Variants in CFAP97 observed in about 807,000 individuals in gnomAD.
CFAP97 encodes cilia and flagella associated protein 97, also known as cilia- and flagella-associated protein 97.
In CFAP97, 36 loss-of-function variants were observed where a neutral mutation model predicts 43.1. The observed-to-expected ratio is 0.84, with a 90% CI of 0.64 to 1.10. The LOEUF (loss-of-function observed/expected upper bound fraction) is 1.10. Among genes scored for constraint, CFAP97 ranks in the 50% least tolerant of loss-of-function variants. The pLI is 0.00. For synonymous variants in CFAP97, 228 were observed against 225.7 expected (o/e 1.01, Z -0.09); for missense variants, 657 against 620.3 (o/e 1.06, Z -0.63).
At chr4:185,203,776 T>G (rs1737044383) in intron 1 of CFAP97, 122 bp downstream of exon 1, 1 of 149,286 alleles carries the variant, frequency 6.7e-6, no homozygotes, top group Non-Finnish European at 1.5e-5. Context: ...CAGGCTTCGT[T>G]AAACCCACCC....
chr4:185,170,810 C>G (rs1735270399), intron 3 of CFAP97, among the ~76,000 whole-genome samples: 1 of 149,966 alleles, frequency 6.7e-6, no homozygotes, highest in Non-Finnish European at 1.5e-5. Flanking sequence ...CATGGTGAAA[C>G]CCTGTCTCTA....
At chr4:185,180,892 G>C (rs1216320546) in intron 2 of CFAP97, among the ~76,000 whole-genome samples, 2 of 152,080 alleles carry the variant, frequency 1.3e-5, no homozygotes, top group East Asian at 3.9e-4. Context: ...TAAAGACTGA[G>C]GACCCCAAAG....
chr4:185,196,953 G>C (rs1468266021), intron 1 of CFAP97, among the ~76,000 whole-genome samples: 1 of 151,958 alleles, frequency 6.6e-6, no homozygotes, highest in Non-Finnish European at 1.5e-5. Context: ...ACAAAGATTA[G>C]CTGGGTGTGG....
chr4:185,167,928 G>T (rs1369710707), intron 3 of CFAP97, among the ~76,000 whole-genome samples: 1 of 151,122 alleles, frequency 6.6e-6, no homozygotes, highest in African/African-American at 2.4e-5. Context: ...GAACCTGGAA[G>T]GCGGAGGTTG....
chr4:185,177,686 T>G (rs953284577), intron 2 of CFAP97, among the ~76,000 whole-genome samples: 3 of 151,480 alleles, frequency 2.0e-5, no homozygotes, highest in African/African-American at 7.3e-5. Flanking sequence ...AATACAAAAA[T>G]TAGCTGGGCG....
chr4:185,185,794 C>G (rs574593255), intron 2 of CFAP97, among the ~76,000 whole-genome samples: 11 of 152,080 alleles, frequency 7.2e-5, no homozygotes, highest in African/African-American at 1.9e-4. Context: ...CACACACCAC[C>G]ATGCCTAGCT....
chr4:185,191,240 A>C, intron 1 of CFAP97, 28 bp from the exon 2 acceptor site: 1 of 1,402,560 alleles, frequency 7.1e-7, no homozygotes, highest in Non-Finnish European at 9.4e-7. Context: ...ACATCAGACT[A>C]AAGAGTGATT....
At position 185,161,038 on chromosome 4, in the gene CFAP97, T is replaced by C. The variant is rs1220470961; in HGVS notation, c.*1760A>G. On this transcript the variant is annotated 3_prime_UTR_variant, in exon 5 of 5. Coordinates refer to ENST00000458385, the MANE Select transcript of CFAP97 (RefSeq NM_020827.3). ...AAATGCTAAATTTAAAATTCAGCAT[T>C]ATCTTCTCTCTCTTGAAATATAGGT... 1 of 151,854 alleles carries C rather than the reference T, an allele frequency of 6.6e-6. No homozygotes were observed. The highest frequency in any genetic ancestry group is 1.5e-5 in the Non-Finnish European group (1 of 67,946). 9.4% of individuals were successfully genotyped at this position (151,854 alleles called of 1,614,324 possible). A position where few individuals can be genotyped will look rare whatever the true frequency, so the allele number is the denominator to read the frequency against.
chr4:185,209,967 G>A (rs1737474969), upstream of CFAP97: 2 of 983,452 alleles, frequency 2.0e-6, no homozygotes, highest in South Asian at 4.6e-5. The surrounding 1 kb of genome is among the most constrained non-coding windows in gnomAD (Gnocchi z 5.2). Flanking sequence ...CAGCAGCGGC[G>A]GCGCCGGGGG....
At position 185,162,659 on chromosome 4, in the gene CFAP97, T is replaced by A. The variant is rs6813224; in HGVS notation, c.*139A>T. ...TTTTTGACAATAATTTTGCACTGAA[T>A]AACAATACATTACAACTCACTGTTG... On this transcript the variant is annotated 3_prime_UTR_variant, in exon 5 of 5. Coordinates refer to ENST00000458385, the MANE Select transcript of CFAP97 (RefSeq NM_020827.3). 6.5e-3 allele frequency: 5,860 copies of A among 899,724 alleles called. 36 individuals are homozygous for A. Among genetic ancestry groups the A allele is most frequent in the Non-Finnish European group, 7.5e-3 (4,504 of 600,238 alleles). The allele number at this position is 899,724 out of a possible 1,614,324, so 55.7% of individuals were successfully genotyped here. A position where few individuals can be genotyped will look rare whatever the true frequency, so the allele number is the denominator to read the frequency against.
In CFAP97 at chr4:185,190,940, G is replaced by A; in HGVS notation, c.257C>T (p.Thr86Ile). 5 of 1,613,818 alleles carry A rather than the reference G, an allele frequency of 3.1e-6. No individual in the cohort carries two copies. Among genetic ancestry groups the A allele is most frequent in the Non-Finnish European group, 4.2e-6 (5 of 1,179,800 alleles). Residue 86 changes from threonine (T) to isoleucine (I), a missense_variant, in exon 2 of 5, where the codon ACA becomes ATA. Coordinates refer to ENST00000458385, the MANE Select transcript of CFAP97 (RefSeq NM_020827.3). Reference protein sequence around the residue: ...PPEHPVENDVTQTVSSFSLPA... With the variant: ...PPEHPVENDVIQTVSSFSLPA... ...CAATGAGAAAGAACTTACAGTTTGT[G>A]TAACATCATTCTCTACGGGGTGTTC...
At chr4:185,171,806 G>A (rs1056536170) in intron 3 of CFAP97, among the ~76,000 whole-genome samples, 1 of 152,120 alleles carries the variant, frequency 6.6e-6, no homozygotes, top group Admixed American at 6.5e-5. Context: ...GAGTGATCAC[G>A]GCTCTCTGCA....
intron 1 of CFAP97, among the ~76,000 whole-genome samples, chr4:185,197,715 C>G (rs547993095): frequency 6.6e-6 from 1 of 152,028 alleles, no homozygotes; most frequent in Non-Finnish European, 1.5e-5. Flanking sequence ...TGTGAGCCAC[C>G]GCGAAAAGTT....
intron 1 of CFAP97, among the ~76,000 whole-genome samples, chr4:185,197,206 A>G (rs1736594750): frequency 6.6e-6 from 1 of 151,930 alleles, no homozygotes; most frequent in African/African-American, 2.4e-5. Flanking sequence ...TTATTTAGCT[A>G]TAAGAGATGG....
At chr4:185,173,170 T>G (rs947508954) in intron 3 of CFAP97, among the ~76,000 whole-genome samples, 1 of 152,066 alleles carries the variant, frequency 6.6e-6, no homozygotes, top group African/African-American at 2.4e-5. Flanking sequence ...GAGACCATCC[T>G]GGCTAACACG....
rs902029030 is a variant in CFAP97 at position 185,209,303 on chromosome 4, A to T, written c.-74+22T>A. On this transcript the variant is annotated intron_variant, in intron 1 of 2. Transcript: ENST00000503223. The surrounding 1 kb of genome is among the most constrained non-coding windows in gnomAD (Gnocchi z 5.2). The stretch of plus-strand genomic sequence containing the variant: ...GAGGTTACTCGTCAGTGATGAGCGG[A>T]GAGGGAGAATTACGGGATCACCTGA... 1 of 152,274 alleles carries T rather than the reference A, an allele frequency of 6.6e-6. No individual in the cohort carries two copies. The highest frequency in any genetic ancestry group is 1.5e-5 in the Non-Finnish European group (1 of 68,056). The allele number at this position is 152,274 out of a possible 1,614,324, so 9.4% of individuals were successfully genotyped here.
chr4:185,170,256 G>T (rs1406674033), intron 3 of CFAP97: 3 of 654,120 alleles, frequency 4.6e-6, no homozygotes, highest in South Asian at 1.7e-5. Flanking sequence ...CGAGGCAGGA[G>T]AATCACTTGA....
chr4:185,187,006 C>T (rs1355057898), intron 2 of CFAP97, among the ~76,000 whole-genome samples: 1 of 152,090 alleles, frequency 6.6e-6, no homozygotes, highest in Non-Finnish European at 1.5e-5. Context: ...ATCGTATGCT[C>T]TAGCTTAACT....
intron 1 of CFAP97, among the ~76,000 whole-genome samples, chr4:185,192,346 A>G (rs1265507436): frequency 6.6e-6 from 1 of 152,218 alleles, no homozygotes; most frequent in Non-Finnish European, 1.5e-5. Flanking sequence ...CAATGGCTCT[A>G]AAATGGAAAA....
Sources: gnomAD v4.1 joint callset for allele counts (sites outside exome capture counted in the v4.1 genomes callset) on GRCh38, gnomAD v4.1.1 for gene constraint, Gnocchi (gnomAD v3.1) non-coding constraint, MANE v1.5 for transcripts, NCBI Gene and HGNC (gene_info 2026-07-23, HGNC 2026-07-21) for gene names.